Variants in EGF observed in about 807,000 individuals in gnomAD.
EGF encodes pro-epidermal growth factor.
A neutral mutation model predicts 143.8 loss-of-function variants in EGF; 95 were observed. That is an observed-to-expected ratio of 0.66 (90% CI 0.56 to 0.78). The LOEUF (loss-of-function observed/expected upper bound fraction) is 0.78, where lower values mean the gene tolerates loss of function less well. Ranked by LOEUF, EGF falls within the 30% of genes least tolerant of loss-of-function variation. The pLI is 0.00. For missense variants in EGF, 1,320 were observed against 1,470.9 expected (o/e 0.90, Z 1.68); for synonymous variants, 510 against 510.5 (o/e 1.00, Z 0.01).
At position 109,988,667 on chromosome 4, in the gene EGF, C is replaced by G; in HGVS notation, c.2692C>G (p.Arg898Gly). The G allele has an allele frequency of 6.2e-7, 1 of 1,614,018 alleles. No individual in the cohort carries two copies. The highest frequency in any genetic ancestry group is 8.5e-7 in the Non-Finnish European group (1 of 1,179,922). ...CAACACCGAAGGTGGTTATGTCTGC[C>G]GGTGCTCAGAAGGCTACCAAGGAGA... ...CINTEGGYVC[R>G]CSEGYQGDGI... Residue 898 changes from arginine (R) to glycine (G), a missense_variant, in exon 18 of 24, where the codon CGG becomes GGG. By Grantham distance (125) the Arg-to-Gly change is moderately radical. Transcript: ENST00000265171.
intron 16 of EGF, among the ~76,000 whole-genome samples, chr4:109,983,773 T>C (rs756576616): frequency 1.3e-5 from 2 of 152,218 alleles, no homozygotes; most frequent in African/African-American, 2.4e-5. Context: ...TGTGAGTCTT[T>C]GTTCTGTGAA....
chr4:109,992,804 G>A (rs1452223675), intron 18 of EGF, among the ~76,000 whole-genome samples: 1 of 151,928 alleles, frequency 6.6e-6, no homozygotes, highest in Admixed American at 6.6e-5. Flanking sequence ...GTAGGGACAT[G>A]GATGAAGCTG....
rs754441573 is a variant in EGF at position 109,943,944 on chromosome 4, T to C, written c.612T>C (p.Ala204=). The change falls in exon 4 of 24, where the codon GCT becomes GCC. Residue 204 remains alanine, a synonymous_variant. Transcript: ENST00000265171. ...TGGAGACATCAGAGAAAATAACAGC[T>C]GTGTCATTGGATGTGCTTGATAAGC... The part of the protein sequence containing the change: ...ALLETSEKIT[A]VSLDVLDKRL... 1 of 1,614,160 alleles carries C rather than the reference T, an allele frequency of 6.2e-7. No homozygotes were observed. Among genetic ancestry groups the C allele is most frequent in the African/African-American group, 1.3e-5 (1 of 75,042 alleles).
chr4:109,934,639 G>A (rs1473229348), intron 1 of EGF, among the ~76,000 whole-genome samples: 2 of 152,126 alleles, frequency 1.3e-5, no homozygotes, highest in Non-Finnish European at 2.9e-5. Context: ...CTTTGCCCAT[G>A]CCTATGTCCT....
Position 110,012,847 on chromosome 4 carries a change from T to A in EGF, c.*1392T>A, listed in dbSNP as rs771671876. Among the ~76,000 whole-genome samples, 8 of 152,214 alleles carry A rather than the reference T, an allele frequency of 5.3e-5. No individual in the cohort carries two copies. Among genetic ancestry groups the A allele is most frequent in the Non-Finnish European group, 1.0e-4 (7 of 68,032 alleles). On this transcript the variant is annotated 3_prime_UTR_variant, in exon 24 of 24. Coordinates refer to ENST00000265171, the MANE Select transcript of EGF (RefSeq NM_001963.6). The stretch of plus-strand genomic sequence containing the variant: ...CAACCTGATATGGTAACTTTAAATT[T>A]TGGGGGCTTTGAATCATTCAGTTTA...
chr4:109,940,483 C>T lies in EGF; in HGVS notation c.128-463C>T, dbSNP rs531591524. ...CCGTCTAAGACCTTTTAGTTTTCAC[C>T]GTCGTCTTCTAGGTCATTATGCTGA... On this transcript the variant is annotated intron_variant, in intron 1 of 23. Transcript: ENST00000265171. Among the ~76,000 whole-genome samples, 6 of 152,166 alleles carry T rather than the reference C, an allele frequency of 3.9e-5. No homozygotes were observed. The South Asian group carries it at 8.3e-4, about 21-fold the overall frequency.
intron 13 of EGF, among the ~76,000 whole-genome samples, chr4:109,977,796 T>C (rs1192968379): frequency 6.6e-6 from 1 of 152,162 alleles, no homozygotes; most frequent in Admixed American, 6.5e-5. Flanking sequence ...GCCGTGATTG[T>C]GCAACTGTAC....
chr4:109,974,667 G>T, intron 11 of EGF, 36 bp from the exon 12 acceptor site: 1 of 1,491,154 alleles, frequency 6.7e-7, no homozygotes, highest in Non-Finnish European at 9.4e-7. Flanking sequence ...AAGTAAAGGT[G>T]TTATAACAAA....
chr4:109,943,209 G>T, intron 2 of EGF, 45 bp from the exon 3 acceptor site: 1 of 1,323,186 alleles, frequency 7.6e-7, no homozygotes. Flanking sequence ...ATTTTGTTGT[G>T]AATGGGGGAA....
intron 11 of EGF, among the ~76,000 whole-genome samples, chr4:109,973,089 A>G (rs560372076): frequency 1.3e-4 from 20 of 152,296 alleles, no homozygotes; most frequent in African/African-American, 4.8e-4. Context: ...GGCTCTTCTT[A>G]GCCCTATTTA....
rs747951078 is a variant in EGF, at chr4:109,961,984, C to T, written c.1311C>T (p.Ser437=). The change falls in exon 8 of 24, where the codon AGC becomes AGT. Residue 437 remains serine, a splice_region_variant and synonymous_variant. Transcript: ENST00000265171. Reference sequence around the variant, plus strand: ...TTGAGAGAGATGGGAAAACATGTAGCGGTGAGTTTATTTGCTTTATTTACC... The same window carrying T: ...TTGAGAGAGATGGGAAAACATGTAGTGGTGAGTTTATTTGCTTTATTTACC... ...SVLERDGKTC[S]GCSSPDNGGC... The T allele has an allele frequency of 5.1e-5, 83 of 1,613,416 alleles. No individual in the cohort carries two copies. Among genetic ancestry groups the T allele is most frequent in the South Asian group, 3.6e-4 (33 of 91,072 alleles).
chr4:109,969,184 G>A (rs1747167323), intron 11 of EGF, 65 bp downstream of exon 11: 5 of 1,603,818 alleles, frequency 3.1e-6, no homozygotes, highest in Middle Eastern at 1.7e-4. Context: ...AATACTATTG[G>A]CTTCATCTTC....
chr4:109,953,810 C>T (rs889398202), intron 5 of EGF, among the ~76,000 whole-genome samples: 1 of 152,196 alleles, frequency 6.6e-6, no homozygotes, highest in African/African-American at 2.4e-5. Flanking sequence ...TGGACTCACG[C>T]AGCCACTTCT....
chr4:109,941,671 G>C (rs1240703100), intron 2 of EGF, among the ~76,000 whole-genome samples: 2 of 152,208 alleles, frequency 1.3e-5, no homozygotes, highest in Non-Finnish European at 2.9e-5. Flanking sequence ...AATGTCAATA[G>C]TGCTGAAGTT....
At chr4:109,976,602 A>G (rs1364505343) in intron 13 of EGF, among the ~76,000 whole-genome samples, 1 of 152,234 alleles carries the variant, frequency 6.6e-6, no homozygotes, top group South Asian at 2.1e-4. Flanking sequence ...ATGTCAGTTG[A>G]TAACTTGTGC....
Position 109,961,979 on chromosome 4 carries a change from T to C in EGF, c.1306T>C (p.Cys436Arg), listed in dbSNP as rs746610909. The C allele has an allele frequency of 1.9e-6, 3 of 1,613,820 alleles. No homozygotes were observed. The highest frequency in any genetic ancestry group is 1.7e-5 in the Admixed American group (1 of 60,016). ...AGTGCTTGAGAGAGATGGGAAAACATGTAGCGGTGAGTTTATTTGCTTTAT... is the reference window on the plus strand; with the variant it reads ...AGTGCTTGAGAGAGATGGGAAAACACGTAGCGGTGAGTTTATTTGCTTTAT... ...GSVLERDGKT[C>R]SGCSSPDNGG... Residue 436 changes from cysteine (C) to arginine (R), a missense_variant, in exon 8 of 24, where the codon TGT (cysteine) becomes CGT (arginine). Transcript: ENST00000265171.
chr4:109,919,331 C>T (rs1348137369), intron 1 of EGF, among the ~76,000 whole-genome samples: 2 of 144,192 alleles, frequency 1.4e-5, no homozygotes, highest in African/African-American at 2.6e-5. Context: ...CTCTCTCTCT[C>T]TCTCTCTCTC....
At chr4:109,970,339 G>A (rs189267374) in intron 11 of EGF, among the ~76,000 whole-genome samples, 2 of 152,208 alleles carry the variant, frequency 1.3e-5, no homozygotes, top group Admixed American at 6.5e-5. Context: ...TCAGAGTAAC[G>A]GAAAGCCAGA....
At chr4:110,010,798 T>C (rs569781255) in intron 23 of EGF, among the ~76,000 whole-genome samples, 1 of 152,212 alleles carries the variant, frequency 6.6e-6, no homozygotes. Flanking sequence ...TGGTGTCTCA[T>C]ACCTGTAATT....
Sources: gnomAD v4.1 joint callset for allele counts (sites outside exome capture counted in the v4.1 genomes callset) on GRCh38, gnomAD v4.1.1 for gene constraint, MANE v1.5 for transcripts, NCBI Gene and HGNC (gene_info 2026-07-23, HGNC 2026-07-21) for gene names.